The following CENPC variants were observed in gnomAD, a reference collection of about 807,000 sequenced individuals.
CENPC encodes the protein centromere protein C, also known as CENP-C 1.
In CENPC, 63 loss-of-function variants were observed where a neutral mutation model predicts 112.1. That is an observed-to-expected ratio of 0.56 (90% CI 0.46 to 0.69). The LOEUF (loss-of-function observed/expected upper bound fraction) is 0.69. Ranked by LOEUF, CENPC falls within the 30% of genes least tolerant of loss-of-function variation. CENPC has a pLI of 0.00. For synonymous variants in CENPC, 333 were observed against 367.6 expected, an observed-to-expected ratio of 0.91 and a Z score of 1.08; for missense variants, 1,000 against 1,103.8, an observed-to-expected ratio of 0.91 and a Z score of 1.33.
At chr4:67,542,026 T>C (rs891942075) in intron 2 of CENPC, among the ~76,000 whole-genome samples, 1 of 152,210 alleles carries the variant, frequency 6.6e-6, no homozygotes, top group Admixed American at 6.5e-5. Context: ...CAATATTTCA[T>C]TGCTTTTTAG....
At chr4:67,494,607 G>C (rs528521075) in intron 13 of CENPC, among the ~76,000 whole-genome samples, 4 of 152,308 alleles carry the variant, frequency 2.6e-5, no homozygotes, top group African/African-American at 9.6e-5. Flanking sequence ...GAGTGAAAGA[G>C]CACTCACAGC....
intron 14 of CENPC, chr4:67,493,683 C>T (rs1309613784): frequency 6.4e-6 from 3 of 470,638 alleles, no homozygotes; most frequent in South Asian, 5.8e-5. Flanking sequence ...TCAGATGATA[C>T]AGGAATAACA....
chr4:67,542,756 T>C (rs754298226), intron 2 of CENPC, among the ~76,000 whole-genome samples: 20 of 152,258 alleles, frequency 1.3e-4, no homozygotes, highest in East Asian at 3.9e-4. Context: ...TACCAGAATA[T>C]ATATAGGTGA....
intron 3 of CENPC, 107 bp from the exon 4 acceptor site, chr4:67,540,041 C>G: frequency 1.8e-6 from 1 of 542,860 alleles, no homozygotes; most frequent in Non-Finnish European, 3.1e-6. Flanking sequence ...TGTTGACTCA[C>G]TGACCACAAT....
At chr4:67,493,526 C>T in intron 14 of CENPC, 1 of 196,256 alleles carries the variant, frequency 5.1e-6, no homozygotes, top group Non-Finnish European at 1.0e-5. Flanking sequence ...ACTACACTTT[C>T]TTGCCCACCC....
chr4:67,498,153 G>A (rs1725492399), intron 12 of CENPC, among the ~76,000 whole-genome samples: 1 of 152,062 alleles, frequency 6.6e-6, no homozygotes, highest in African/African-American at 2.4e-5. Flanking sequence ...AGAATCGCTT[G>A]AACCCAGGAG....
intron 18 of CENPC, 123 bp downstream of exon 18, chr4:67,474,765 G>A (rs2109757351): frequency 4.5e-6 from 3 of 672,910 alleles, no homozygotes; most frequent in African/African-American, 1.8e-5. Flanking sequence ...AGGAAAATAT[G>A]TACCAAACTG....
chr4:67,472,617 C>A lies in CENPC; in HGVS notation c.2820G>T (p.Gln940His). ...GTTGGTTGATCTTTCATCTTTTTAT[C>A]TGAGTAAAAAGAAGAACACTTTCCT... The part of the protein sequence containing the change: ...RNEESVLLFT[Q>H]IKR Residue 940 changes from glutamine to histidine, a missense_variant, in exon 19 of 19, where the codon CAG becomes CAT. By Grantham distance (24) the Gln-to-His change is conservative. Transcript: ENST00000273853. The A allele has an allele frequency of 1.3e-6, 2 of 1,508,256 alleles. No homozygotes were observed. The highest frequency in any genetic ancestry group is 1.8e-6 in the Non-Finnish European group (2 of 1,132,934). The allele number at this position is 1,508,256 out of a possible 1,614,324, so 93.4% of individuals were successfully genotyped here. A position where few individuals can be genotyped will look rare whatever the true frequency, so the allele number is the denominator to read the frequency against.
intron 14 of CENPC, 41 bp from the exon 15 acceptor site, chr4:67,493,038 C>T (rs1440408227): frequency 6.9e-7 from 1 of 1,454,388 alleles, no homozygotes; most frequent in Non-Finnish European, 9.1e-7. Flanking sequence ...ATGGGAAAGA[C>T]AAAATCTTGA....
rs1283302667 is a variant in CENPC, at chr4:67,514,707, T to C, written c.831-20A>G. 1.9e-6 allele frequency: 3 copies of C among 1,559,350 alleles called. No homozygotes were observed. The highest frequency in any genetic ancestry group is 2.7e-5 in the African/African-American group (2 of 72,738). The stretch of plus-strand genomic sequence containing the variant: ...ATGGGACTGAAACAGGGTGATACTT[T>C]TAACAGTTCAAAAAAATAAAGCTTT... On this transcript the variant is annotated intron_variant, in intron 7 of 18. Transcript: ENST00000273853.
intron 17 of CENPC, among the ~76,000 whole-genome samples, chr4:67,488,751 T>C (rs368988684): frequency 3.3e-5 from 5 of 152,006 alleles, no homozygotes; most frequent in African/African-American, 1.2e-4. Flanking sequence ...TTTTAAAATG[T>C]GTTATTTTCA....
Position 67,533,974 on chromosome 4 carries a change from G to A in CENPC, c.232-3060C>T, listed in dbSNP as rs144655983. ...GATCACTTGAGCCCAGAGGTTTGAG[G>A]TTGCAGTGGGCTATGAGCATGCCAC... is the stretch of plus-strand genomic sequence containing the variant. On this transcript the variant is annotated intron_variant, in intron 4 of 18. Coordinates refer to ENST00000273853, the MANE Select transcript of CENPC (RefSeq NM_001812.4). 2.3e-3 allele frequency among the ~76,000 whole-genome samples: 357 copies of A among 152,214 alleles called. 2 individuals are homozygous for A. The highest frequency in any genetic ancestry group is 8.2e-3 in the African/African-American group (342 of 41,534).
At chr4:67,485,547 G>A (rs1725073238) in intron 17 of CENPC, among the ~76,000 whole-genome samples, 1 of 152,082 alleles carries the variant, frequency 6.6e-6, no homozygotes, top group Admixed American at 6.5e-5. Flanking sequence ...TTCAGGAATG[G>A]GACTAGTGCC....
chr4:67,496,448 G>A (rs1725433825), intron 12 of CENPC, among the ~76,000 whole-genome samples: 1 of 152,150 alleles, frequency 6.6e-6, no homozygotes, highest in South Asian at 2.1e-4. Flanking sequence ...GGGACACAAT[G>A]TCCATGAACC....
rs1429361785 is a variant in CENPC, at chr4:67,471,564, AAAGAG to A, written c.*1036_*1040del. On this transcript the variant is annotated 3_prime_UTR_variant, in exon 19 of 19. Transcript: ENST00000273853. ...AAAAAAAATTAAAAATGACTCAATA[AAAGAG>A]AAATCACAATAGAAAATTATAAAGT... 1 of 152,160 alleles carries A rather than the reference AAAGAG, an allele frequency of 6.6e-6. No homozygotes were observed. Among genetic ancestry groups the A allele is most frequent in the Non-Finnish European group, 1.5e-5 (1 of 68,018 alleles). 9.4% of individuals were successfully genotyped at this position (152,160 alleles called of 1,614,324 possible). A position where few individuals can be genotyped will look rare whatever the true frequency, so the allele number is the denominator to read the frequency against.
rs565471279 is a variant in CENPC, at chr4:67,523,300, G to A, written c.332-3798C>T. ...TGCATTTCAGCCAGGGAGACAGAGGGAGACTCTCTCAAAAAAACAAAAAAT... is the reference window on the plus strand; with the variant it reads ...TGCATTTCAGCCAGGGAGACAGAGGAAGACTCTCTCAAAAAAACAAAAAAT... On this transcript the variant is annotated intron_variant, in intron 5 of 18. Transcript: ENST00000273853. Among the ~76,000 whole-genome samples, 13 of 90,094 alleles carry A rather than the reference G, an allele frequency of 1.4e-4. No homozygotes were observed. In the South Asian group the frequency reaches 4.6e-3, roughly 32 times the overall value. The allele number at this position is 90,094 out of a possible 152,430, so 59.1% of individuals were successfully genotyped here.
chr4:67,497,714 G>A (rs1264312552), intron 12 of CENPC, among the ~76,000 whole-genome samples: 6 of 151,932 alleles, frequency 3.9e-5, no homozygotes, highest in African/African-American at 9.7e-5. Flanking sequence ...TGTATTTTTT[G>A]TAGAAACAGG....
Position 67,545,378 on chromosome 4 carries a change from G to A in CENPC, c.-23C>T. 2 of 1,519,116 alleles carry A rather than the reference G, an allele frequency of 1.3e-6. No homozygotes were observed. Among genetic ancestry groups the A allele is most frequent in the Admixed American group, 2.0e-5 (1 of 48,884 alleles). 94.1% of individuals were successfully genotyped at this position (1,519,116 alleles called of 1,614,324 possible). ...CATGTTCCGGCCCCGCTGAGCCAGC[G>A]CAACTGTCTGAGGTGGAAGCCCACA... On this transcript the variant is annotated 5_prime_UTR_variant, in exon 1 of 19. Coordinates refer to ENST00000273853, the MANE Select transcript of CENPC (RefSeq NM_001812.4).
At chr4:67,502,819 C>G (rs963099997) in intron 12 of CENPC, among the ~76,000 whole-genome samples, 18 of 152,120 alleles carry the variant, frequency 1.2e-4, no homozygotes, top group African/African-American at 4.1e-4. Flanking sequence ...TCTCTAACGC[C>G]TCTCTTTTTC....
Sources: allele counts gnomAD v4.1 joint callset (sites outside exome capture counted in the v4.1 genomes callset), GRCh38; gene constraint gnomAD v4.1.1; transcripts MANE v1.5; gene names NCBI Gene and HGNC (gene_info 2026-07-23, HGNC 2026-07-21).